PCDHA12: variants seen among roughly 807,000 people sequenced by gnomAD.
The protein encoded by PCDHA12 is protocadherin alpha-12.
A neutral mutation model predicts 60.0 loss-of-function variants in PCDHA12; 44 were observed. The ratio of observed to expected loss-of-function variants is 0.73; its 90% CI spans 0.58 to 0.94. PCDHA12 has a LOEUF of 0.94. Ranked by LOEUF, PCDHA12 falls within the 40% of genes least tolerant of loss-of-function variation. The pLI is 0.00. For missense variants in PCDHA12, 1,276 were observed against 1,239.7 expected, an observed-to-expected ratio of 1.03 and a Z score of -0.44; for synonymous variants, 569 against 553.0, an observed-to-expected ratio of 1.03 and a Z score of -0.40.
intron 1 of PCDHA12, among the ~76,000 whole-genome samples, chr5:140,970,131 A>G (rs1554232260): frequency 6.6e-6 from 1 of 152,186 alleles, no homozygotes; most frequent in Non-Finnish European, 1.5e-5. Context: ...GAAGGAAGAG[A>G]AGGGAAAAAG....
chr5:140,907,598 A>G (rs2073483512), intron 1 of PCDHA12, among the ~76,000 whole-genome samples: 1 of 152,198 alleles, frequency 6.6e-6, no homozygotes, highest in Admixed American at 6.5e-5. Context: ...CACCCTGAGG[A>G]ATGGTGCCAT....
chr5:140,893,135 T>C (rs1405005785), intron 1 of PCDHA12, among the ~76,000 whole-genome samples: 1 of 152,252 alleles, frequency 6.6e-6, no homozygotes, highest in Non-Finnish European at 1.5e-5. Flanking sequence ...ATTTTCTTTA[T>C]CCACTCATCT....
chr5:140,982,014 C>G lies in PCDHA12; in HGVS notation c.2427-461C>G, dbSNP rs546904836. Among the ~76,000 whole-genome samples the G allele has an allele frequency of 3.3e-5, 5 of 152,270 alleles. No individual in the cohort carries two copies. The South Asian group carries it at 1.0e-3, about 32-fold the overall frequency. ...ATAAGGTTAAGAATTAATTAGATAG[C>G]CAAATTGGAACAATACTCCAATTAT... is the stretch of plus-strand genomic sequence containing the variant. On this transcript the variant is annotated intron_variant, in intron 2 of 3. Coordinates refer to ENST00000398631, the MANE Select transcript of PCDHA12 (RefSeq NM_018903.4).
chr5:140,969,264 C>T, intron 1 of PCDHA12: 1 of 1,614,208 alleles, frequency 6.2e-7, no homozygotes, highest in Non-Finnish European at 8.5e-7. Flanking sequence ...AGGAATCTCA[C>T]AGGCCAAAGT....
chr5:141,010,285 C>G lies in PCDHA12; in HGVS notation c.*348C>G, dbSNP rs1214485732. ...CTCCGGGGATCCTGTCTTGATGACA[C>G]TTGCAGGGCAGGCTGAAAAGTTTTG... On this transcript the variant is annotated 3_prime_UTR_variant, in exon 4 of 4. Transcript: ENST00000398631. 1.3e-6 allele frequency: 2 copies of G among 1,550,576 alleles called. No individual in the cohort carries two copies. Among genetic ancestry groups the G allele is most frequent in the Non-Finnish European group, 1.7e-6 (2 of 1,146,690 alleles).
intron 1 of PCDHA12, among the ~76,000 whole-genome samples, chr5:140,906,153 A>G (rs2072404848): frequency 6.6e-6 from 1 of 152,142 alleles, no homozygotes; most frequent in Non-Finnish European, 1.5e-5. Flanking sequence ...ACCCTCACAG[A>G]CACACCCAGG....
intron 1 of PCDHA12, chr5:140,969,383 C>G: frequency 6.3e-7 from 1 of 1,597,986 alleles, no homozygotes; most frequent in Non-Finnish European, 8.5e-7. Context: ...TGTTACACAT[C>G]CCCCAATATC....
intron 1 of PCDHA12, among the ~76,000 whole-genome samples, chr5:140,923,038 T>C (rs529637754): frequency 1.2e-4 from 19 of 152,316 alleles, no homozygotes; most frequent in Admixed American, 1.0e-3. Context: ...TTACTACATG[T>C]ATAGTATTTA....
At chr5:140,925,854 G>C (rs1333353083) in intron 1 of PCDHA12, among the ~76,000 whole-genome samples, 1 of 152,014 alleles carries the variant, frequency 6.6e-6, no homozygotes, top group African/African-American at 2.4e-5. Flanking sequence ...TGAGTTTCTA[G>C]TTATTGCTAT....
rs11350929 is a variant in PCDHA12, at chr5:140,972,660, ATTT to A, written c.2368-6269_2368-6267del. Among the ~76,000 whole-genome samples, 687 of 117,242 alleles carry A rather than the reference ATTT, an allele frequency of 5.9e-3. 9 individuals carry two copies. Among genetic ancestry groups the A allele is most frequent in the African/African-American group, 0.021 (630 of 30,162 alleles). 76.9% of individuals were successfully genotyped at this position (117,242 alleles called of 152,430 possible). A position where few individuals can be genotyped will look rare whatever the true frequency, so the allele number is the denominator to read the frequency against. On this transcript the variant is annotated intron_variant, in intron 1 of 3. Coordinates refer to ENST00000398631, the MANE Select transcript of PCDHA12 (RefSeq NM_018903.4). ...CAGAGTCTCCATAAAAAGAAACCAAATTTTTTTTTTTTTTTTTTTTTTGAGATG... is the reference window on the plus strand; with the variant it reads ...CAGAGTCTCCATAAAAAGAAACCAAATTTTTTTTTTTTTTTTTTTGAGATG...
In PCDHA12 at chr5:140,883,748, C is replaced by T. The variant is rs782541066; in HGVS notation, c.2367+5909C>T. The T allele has an allele frequency of 4.3e-6, 7 of 1,613,146 alleles. No individual in the cohort carries two copies. The East Asian group carries it at 1.6e-4, about 36-fold the overall frequency. On this transcript the variant is annotated intron_variant, in intron 1 of 3. Transcript: ENST00000398631. ...GGAGAACGCGCTGGTCTCCTACTCG[C>T]TGGTGGAGCGGCGGGTGGGCGAGCG... is the stretch of plus-strand genomic sequence containing the variant.
At chr5:140,991,109 C>A (rs987847767) in intron 3 of PCDHA12, among the ~76,000 whole-genome samples, 1 of 152,156 alleles carries the variant, frequency 6.6e-6, no homozygotes, top group Non-Finnish European at 1.5e-5. Flanking sequence ...AATTAAGTGG[C>A]TTTCTTACAT....
rs1554168216 is a variant in PCDHA12, at chr5:140,876,040, A to G, written c.568A>G (p.Ile190Val). 2 of 1,613,752 alleles carry G rather than the reference A, an allele frequency of 1.2e-6. No homozygotes were observed. Among genetic ancestry groups the G allele is most frequent in the African/African-American group, 1.3e-5 (1 of 74,922 alleles). ...LKIKTKKDKS[I>V]LPELVLRKLL... ...AATAAAAACAAAAAAAGATAAAAGT[A>G]TATTGCCTGAATTAGTTCTTCGGAA... Residue 190 changes from isoleucine (I) to valine (V), a missense_variant, in exon 1 of 4, where the codon ATA becomes GTA. Coordinates refer to ENST00000398631, the MANE Select transcript of PCDHA12 (RefSeq NM_018903.4).
At chr5:140,902,051 A>G (rs998360115) in intron 1 of PCDHA12, among the ~76,000 whole-genome samples, 2 of 152,100 alleles carry the variant, frequency 1.3e-5, no homozygotes, top group African/African-American at 4.8e-5. Context: ...TTGATTTTGT[A>G]TCCTGCAACT....
intron 3 of PCDHA12, among the ~76,000 whole-genome samples, chr5:140,986,934 C>T (rs1379562819): frequency 6.6e-6 from 1 of 152,160 alleles, no homozygotes; most frequent in East Asian, 1.9e-4. Flanking sequence ...AGGATGGAGG[C>T]TGGGTGTGGT....
chr5:140,971,165 G>C (rs1390176241), intron 1 of PCDHA12, among the ~76,000 whole-genome samples: 1 of 152,136 alleles, frequency 6.6e-6, no homozygotes, highest in Non-Finnish European at 1.5e-5. Context: ...GCTCAGCTTT[G>C]CCACCAGCTG....
At chr5:140,886,772 G>A (rs910164045) in intron 1 of PCDHA12, among the ~76,000 whole-genome samples, 16 of 143,450 alleles carry the variant, frequency 1.1e-4, no homozygotes, top group Non-Finnish European at 1.8e-4. Flanking sequence ...GTTGCAGTGA[G>A]ATGAGATCAT....
At chr5:141,002,503 A>G (rs924059580) in intron 3 of PCDHA12, among the ~76,000 whole-genome samples, 1 of 152,226 alleles carries the variant, frequency 6.6e-6, no homozygotes, top group African/African-American at 2.4e-5. Flanking sequence ...ACAGCTCAGG[A>G]TCTGAGTCTC....
intron 1 of PCDHA12, among the ~76,000 whole-genome samples, chr5:140,952,280 G>A (rs1320502466): frequency 2.0e-5 from 3 of 151,652 alleles, no homozygotes; most frequent in Non-Finnish European, 4.4e-5. Context: ...TGAGGGTGGT[G>A]GCCCTCTTCT....
Sources: gnomAD v4.1 joint callset for allele counts (sites outside exome capture counted in the v4.1 genomes callset) on GRCh38, gnomAD v4.1.1 for gene constraint, MANE v1.5 for transcripts, NCBI Gene and HGNC (gene_info 2026-07-23, HGNC 2026-07-21) for gene names.